Variants in CNOT10 observed in about 807,000 individuals in gnomAD.
CNOT10 encodes CCR4-NOT transcription complex, subunit 10.
Under a neutral mutation model 94.6 loss-of-function variants are expected in CNOT10, and 30 were observed. The observed-to-expected ratio is 0.32, with a 90% CI of 0.24 to 0.43. The LOEUF is 0.43. Ranked by LOEUF, CNOT10 falls within the 20% of genes least tolerant of loss-of-function variation. The pLI is 1.00. For synonymous variants in CNOT10, 289 were observed against 301.6 expected, an observed-to-expected ratio of 0.96 and a Z score of 0.43; for missense variants, 759 against 877.2, an observed-to-expected ratio of 0.87 and a Z score of 1.70.
At chr3:32,762,898 T>G in intron 15 of CNOT10, 35 bp downstream of exon 15, 1 of 1,470,636 alleles carries the variant, frequency 6.8e-7, no homozygotes, top group South Asian at 1.5e-5. Context: ...AACTGGTCAC[T>G]GTTTCCATTT....
At position 32,716,232 on chromosome 3, in the gene CNOT10, A is replaced by G. The variant is rs201849234; in HGVS notation, c.581A>G (p.Asn194Ser). The change falls in exon 6 of 19, where the codon AAT becomes AGT. Residue 194 changes from asparagine to serine, a missense_variant. Physicochemically the swap from Asn to Ser is conservative, Grantham distance 46. Coordinates refer to ENST00000328834, the MANE Select transcript of CNOT10 (RefSeq NM_015442.3). The stretch of plus-strand genomic sequence containing the variant: ...TGTTTCATCACCCTACAGACTGGTA[A>G]TAACAACAACAAAGATGGATCTAAT... ...NNKNGKNETG[N>S]NNNKDGSNHK... 1.9e-6 allele frequency: 3 copies of G among 1,579,428 alleles called. No individual in the cohort carries two copies. The highest frequency in any genetic ancestry group is 2.7e-5 in the African/African-American group (2 of 73,606).
chr3:32,764,242 C>T, intron 15 of CNOT10: 2 of 510,872 alleles, frequency 3.9e-6, no homozygotes, highest in Non-Finnish European at 6.8e-6. Context: ...GAGGCTGAGG[C>T]AGGAGAATCG....
chr3:32,760,712 CACA>C (rs1174831828), intron 14 of CNOT10, among the ~76,000 whole-genome samples: 2 of 152,158 alleles, frequency 1.3e-5, no homozygotes, highest in Non-Finnish European at 2.9e-5. Flanking sequence ...GAGTATTCTG[CACA>C]ACATTAGAAC....
At chr3:32,686,114 G>A (rs1237719852) in intron 1 of CNOT10, among the ~76,000 whole-genome samples, 1 of 152,038 alleles carries the variant, frequency 6.6e-6, no homozygotes, top group Non-Finnish European at 1.5e-5. Context: ...TCTTGCATTT[G>A]GTACTTAATT....
chr3:32,723,339 C>T (rs376081404), intron 8 of CNOT10, among the ~76,000 whole-genome samples: 10 of 150,688 alleles, frequency 6.6e-5, no homozygotes, highest in South Asian at 6.3e-4. Context: ...TTGCAGTGAG[C>T]TGAAATTGCG....
intron 12 of CNOT10, among the ~76,000 whole-genome samples, 185 bp downstream of exon 12, chr3:32,735,161 A>G (rs1699129225): frequency 6.6e-6 from 1 of 152,188 alleles, no homozygotes; most frequent in South Asian, 2.1e-4. Context: ...GGTGAAGGCT[A>G]AGTTAGGAGA....
rs551317118 is a variant in CNOT10 at position 32,711,044 on chromosome 3, T to C, written c.431-2183T>C. Among the ~76,000 whole-genome samples, 7 of 152,308 alleles carry C rather than the reference T, an allele frequency of 4.6e-5. No homozygotes were observed. In the East Asian group the frequency reaches 1.2e-3, roughly 25 times the overall value. On this transcript the variant is annotated intron_variant, in intron 4 of 18. Transcript: ENST00000328834. Reference sequence around the variant, plus strand: ...GTACTCAGATTCTTCATACAACATATGCTAATTGAGCACATGGTCCAATAC... The same window carrying C: ...GTACTCAGATTCTTCATACAACATACGCTAATTGAGCACATGGTCCAATAC...
chr3:32,753,370 T>A, intron 13 of CNOT10: 1 of 1,355,712 alleles, frequency 7.4e-7, no homozygotes, highest in Non-Finnish European at 1.1e-6. Flanking sequence ...TCATTACACT[T>A]ACGATCAAGA....
intron 8 of CNOT10, 88 bp from the exon 9 acceptor site, chr3:32,725,362 T>C: frequency 2.1e-6 from 2 of 961,736 alleles, no homozygotes; most frequent in South Asian, 1.3e-5. Flanking sequence ...GTAACAGTGT[T>C]AACTCGTGCA....
intron 13 of CNOT10, among the ~76,000 whole-genome samples, chr3:32,745,546 G>A (rs1247802291): frequency 1.3e-5 from 2 of 152,168 alleles, no homozygotes; most frequent in African/African-American, 2.4e-5. Flanking sequence ...GTTCCTAGAT[G>A]TTTACCAAAG....
chr3:32,749,974 T>A (rs1286494312), intron 13 of CNOT10, among the ~76,000 whole-genome samples: 1 of 152,078 alleles, frequency 6.6e-6, no homozygotes, highest in Non-Finnish European at 1.5e-5. Flanking sequence ...CCCAGCACTT[T>A]GAGAGGCTAA....
intron 1 of CNOT10, among the ~76,000 whole-genome samples, chr3:32,687,325 C>A (rs1696645306): frequency 6.6e-6 from 1 of 151,696 alleles, no homozygotes; most frequent in Non-Finnish European, 1.5e-5. Context: ...TTCATTGAAT[C>A]CTGTCATTCC....
At chr3:32,766,955 T>C (rs1388587265) in intron 17 of CNOT10, among the ~76,000 whole-genome samples, 1 of 152,192 alleles carries the variant, frequency 6.6e-6, no homozygotes, top group Non-Finnish European at 1.5e-5. Context: ...CAGATATCTG[T>C]TGAGCACTTA....
chr3:32,764,005 C>G (rs1575310651), intron 15 of CNOT10: 2 of 157,322 alleles, frequency 1.3e-5, no homozygotes, highest in East Asian at 3.8e-4. Flanking sequence ...TGGTATGCCC[C>G]TGTAATCCCA....
chr3:32,708,682 G>T lies in CNOT10; in HGVS notation c.292G>T (p.Val98Phe), dbSNP rs759588818. 15 of 1,611,284 alleles carry T rather than the reference G, an allele frequency of 9.3e-6. No homozygotes were observed. The highest frequency in any genetic ancestry group is 1.3e-5 in the African/African-American group (1 of 74,886). ...GATTGCTTTATAGGTCCACTCAGCT[G>T]TTGAAGAAATGGATGGATTAGATGA... ...NQLKNQVHSA[V>F]EEMDGLDDVE... is the part of the protein sequence containing the mutation. The change falls in exon 4 of 19, where the codon GTT (valine) becomes TTT (phenylalanine). Residue 98 changes from valine to phenylalanine, a missense_variant. This residue lies in a region of CNOT10 where 682 missense variants were observed against 799.4 expected (regional missense o/e 0.85). Transcript: ENST00000328834.
At chr3:32,730,890 C>T (rs1698911688) in intron 10 of CNOT10, 1 of 152,126 alleles carries the variant, frequency 6.6e-6, no homozygotes, top group East Asian at 1.9e-4. Context: ...ATGTATGATC[C>T]TTTTACCTTA....
chr3:32,735,869 A>G (rs1699164784), intron 12 of CNOT10, among the ~76,000 whole-genome samples: 1 of 152,134 alleles, frequency 6.6e-6, no homozygotes, highest in Non-Finnish European at 1.5e-5. Flanking sequence ...ATGCAAATCT[A>G]GGCAGGGTGC....
chr3:32,760,670 G>A (rs1700407102), intron 14 of CNOT10, among the ~76,000 whole-genome samples: 1 of 152,122 alleles, frequency 6.6e-6, no homozygotes, highest in Admixed American at 6.6e-5. Context: ...TTTTTGTATG[G>A]TGCTGATCCT....
At chr3:32,716,604 A>G (rs1028601207) in intron 6 of CNOT10, among the ~76,000 whole-genome samples, 11 of 152,198 alleles carry the variant, frequency 7.2e-5, no homozygotes, top group African/African-American at 2.7e-4. Context: ...AGCCATGTGC[A>G]GAAGAGGATT....
Sources: allele counts gnomAD v4.1 joint callset (sites outside exome capture counted in the v4.1 genomes callset), GRCh38; gene constraint gnomAD v4.1.1; regional missense constraint gnomAD v4.1.1; transcripts MANE v1.5; gene names NCBI Gene and HGNC (gene_info 2026-07-23, HGNC 2026-07-21).